Variants in AGMO observed in about 807,000 individuals in gnomAD.
AGMO encodes the protein alkylglycerol monooxygenase.
In AGMO, 75 loss-of-function variants were observed where a neutral mutation model predicts 60.2. The observed-to-expected ratio is 1.25, with a 90% confidence interval of 1.03 to 1.51. AGMO has a LOEUF of 1.51. Ranked by LOEUF, AGMO falls within the 40% of genes most tolerant of loss-of-function variation. The pLI is 0.00. For synonymous variants in AGMO, 261 were observed against 177.1 expected, an observed-to-expected ratio of 1.47 and a Z score of -3.76; for missense variants, 763 against 525.5, an observed-to-expected ratio of 1.45 and a Z score of -4.42.
rs74836109 is a variant in AGMO at position 15,337,083 on chromosome 7, T to C, written c.1263+28431A>G. Among the ~76,000 whole-genome samples, 44 of 152,338 alleles carry C rather than the reference T, an allele frequency of 2.9e-4. No individual in the cohort carries two copies. The East Asian group carries it at 6.6e-3, about 23-fold the overall frequency. ...TTGAAAGGAAATTCCTGGATCATTTTATCAGGTTAGCAAAATGTCACATCC... is the reference window on the plus strand; with the variant it reads ...TTGAAAGGAAATTCCTGGATCATTTCATCAGGTTAGCAAAATGTCACATCC... On this transcript the variant is annotated intron_variant, in intron 12 of 12. Coordinates refer to ENST00000342526, the MANE Select transcript of AGMO (RefSeq NM_001004320.2).
chr7:15,505,672 A>G (rs921904390), intron 3 of AGMO, among the ~76,000 whole-genome samples: 18 of 152,008 alleles, frequency 1.2e-4, no homozygotes, highest in African/African-American at 4.1e-4. Flanking sequence ...AAGTGTGACT[A>G]CTTCTGAAAA....
Position 15,235,444 on chromosome 7 carries a change from G to C in AGMO, c.1264-34085C>G, listed in dbSNP as rs993239298. ...TTTATCAAGTAAGGTTGAAATTTAA[G>C]GTTTCTTCATTTATCCACTAGTGAG... On this transcript the variant is annotated intron_variant, in intron 12 of 12. Transcript: ENST00000342526. 5.9e-5 allele frequency among the ~76,000 whole-genome samples: 9 copies of C among 151,974 alleles called. No homozygotes were observed. In the South Asian group the frequency reaches 1.7e-3, roughly 28 times the overall value.
At chr7:15,490,917 T>C (rs907507703) in intron 3 of AGMO, among the ~76,000 whole-genome samples, 3 of 152,192 alleles carry the variant, frequency 2.0e-5, no homozygotes, top group Admixed American at 2.0e-4. Flanking sequence ...ATAATCTAAC[T>C]TGATGAAACC....
At chr7:15,409,418 A>C (rs977232680) in intron 5 of AGMO, among the ~76,000 whole-genome samples, 3 of 151,904 alleles carry the variant, frequency 2.0e-5, no homozygotes, top group Admixed American at 2.0e-4. Context: ...TATGGTCAAA[A>C]TTTTTCTCCC....
chr7:15,492,933 G>A (rs895210820), intron 3 of AGMO, among the ~76,000 whole-genome samples: 3 of 151,988 alleles, frequency 2.0e-5, no homozygotes, highest in African/African-American at 7.2e-5. Flanking sequence ...AAGCCTTGAC[G>A]CCATCACTTT....
At chr7:15,247,447 C>CAA (rs1264804426) in intron 12 of AGMO, among the ~76,000 whole-genome samples, 1 of 136,538 alleles carries the variant, frequency 7.3e-6, no homozygotes, top group East Asian at 2.1e-4. Context: ...CACACACACA[C>CAA]ACACACACAC....
chr7:15,188,648 G>A, the AGMO span, among the ~76,000 whole-genome samples: 2 of 152,154 alleles, frequency 1.3e-5, no homozygotes, highest in Non-Finnish European at 2.9e-5. Context: ...TCTACATCCT[G>A]AGCACTGAAA....
Position 15,511,677 on chromosome 7 carries a change from G to A in AGMO, c.409+33095C>T, listed in dbSNP as rs551251812. ...AGTAACTATGTGAGGTAATGCACAC[G>A]CTGATTAACTTGATGTGCTAATCAT... On this transcript the variant is annotated intron_variant, in intron 3 of 12. Coordinates refer to ENST00000342526, the MANE Select transcript of AGMO (RefSeq NM_001004320.2). Among the ~76,000 whole-genome samples, 5 of 152,216 alleles carry A rather than the reference G, an allele frequency of 3.3e-5. No homozygotes were observed. The East Asian group carries it at 5.8e-4, about 18-fold the overall frequency.
intron 12 of AGMO, among the ~76,000 whole-genome samples, chr7:15,294,775 G>C (rs1004079172): frequency 2.0e-5 from 3 of 151,858 alleles, no homozygotes; most frequent in African/African-American, 7.2e-5. Flanking sequence ...GATTTATCCT[G>C]ATGAATAAAA....
intron 12 of AGMO, among the ~76,000 whole-genome samples, chr7:15,318,585 T>C (rs766396638): frequency 3.9e-5 from 6 of 152,164 alleles, no homozygotes; most frequent in Non-Finnish European, 7.3e-5. Flanking sequence ...AATTAAATAT[T>C]ATGAAATTAA....
intron 3 of AGMO, among the ~76,000 whole-genome samples, chr7:15,504,572 T>G (rs774310356): frequency 2.0e-5 from 3 of 152,008 alleles, no homozygotes; most frequent in Non-Finnish European, 2.9e-5. Context: ...GTGGATTTAT[T>G]TGGCAATAAC....
chr7:15,333,249 A>G (rs1781553221), intron 12 of AGMO, among the ~76,000 whole-genome samples: 1 of 152,144 alleles, frequency 6.6e-6, no homozygotes, highest in Non-Finnish European at 1.5e-5. Context: ...ACACACTGAA[A>G]TTCTACAGAG....
intron 12 of AGMO, among the ~76,000 whole-genome samples, chr7:15,296,248 T>C (rs1376179864): frequency 6.6e-6 from 1 of 152,030 alleles, no homozygotes; most frequent in East Asian, 1.9e-4. Flanking sequence ...GAGATAGAGG[T>C]CCACTCTCTG....
chr7:15,324,250 G>C (rs568684537), intron 12 of AGMO, among the ~76,000 whole-genome samples: 1 of 152,228 alleles, frequency 6.6e-6, no homozygotes, highest in South Asian at 2.1e-4. Flanking sequence ...TGCCATAGTT[G>C]AGACAGAAAA....
chr7:15,372,137 A>C (rs373658641), intron 10 of AGMO, among the ~76,000 whole-genome samples: 5 of 138,446 alleles, frequency 3.6e-5, no homozygotes, highest in African/African-American at 1.1e-4. Context: ...TAAGGGAGAT[A>C]ATCAGTTGAA....
At chr7:15,306,038 C>G (rs1780603146) in intron 12 of AGMO, among the ~76,000 whole-genome samples, 1 of 151,756 alleles carries the variant, frequency 6.6e-6, no homozygotes, top group African/African-American at 2.4e-5. Context: ...TTTATGGTAA[C>G]TATAAAAAGT....
intron 12 of AGMO, among the ~76,000 whole-genome samples, chr7:15,248,210 ATATATATATATAT>A (rs1270613742): frequency 1.2e-4 from 12 of 96,834 alleles, no homozygotes; most frequent in Non-Finnish European, 2.0e-4. Context: ...ATATATATAT[ATATATATATATAT>A]ATCTTCATCT....
intron 12 of AGMO, among the ~76,000 whole-genome samples, chr7:15,340,452 T>C (rs1207377463): frequency 6.6e-6 from 1 of 152,190 alleles, no homozygotes; most frequent in African/African-American, 2.4e-5. Flanking sequence ...TTGGGCTTCA[T>C]AAACTCCTGT....
chr7:15,446,255 C>A (rs10215506), intron 3 of AGMO, among the ~76,000 whole-genome samples: 3,738 of 152,254 alleles, frequency 0.025, 139 homozygotes, highest in African/African-American at 0.078. Context: ...GATAACAAGA[C>A]AAATTAATAT....
Sources: gnomAD v4.1 joint callset for allele counts (sites outside exome capture counted in the v4.1 genomes callset) on GRCh38, gnomAD v4.1.1 for gene constraint, MANE v1.5 for transcripts, NCBI Gene and HGNC (gene_info 2026-07-23, HGNC 2026-07-21) for gene names.